The following ZNF385B variants were observed in gnomAD, a reference collection of about 807,000 sequenced individuals.
ZNF385B encodes zinc finger protein 385B.
In ZNF385B, 23 loss-of-function variants were observed where a neutral mutation model predicts 39.2. The observed-to-expected ratio is 0.59, with a 90% CI of 0.42 to 0.83. The LOEUF is 0.83. Ranked by LOEUF, ZNF385B falls within the 40% of genes least tolerant of loss-of-function variation. ZNF385B has a pLI of 0.00. For synonymous variants in ZNF385B, 205 were observed against 222.6 expected, an observed-to-expected ratio of 0.92 and a Z score of 0.70; for missense variants, 552 against 598.9, an observed-to-expected ratio of 0.92 and a Z score of 0.82.
At position 179,767,319 on chromosome 2, in the gene ZNF385B, G is replaced by A. The variant is rs140418617; in HGVS notation, c.298+2184C>T. ...CACCTTGCAGAGGCTGTAAGGTAAG[G>A]TAAACCTCCGCCTTTCTATCCTTCT... On this transcript the variant is annotated intron_variant, in intron 3 of 9. Coordinates refer to ENST00000410066, the MANE Select transcript of ZNF385B (RefSeq NM_152520.6). Among the ~76,000 whole-genome samples the A allele has an allele frequency of 7.4e-3, 1,121 of 152,176 alleles. 6 individuals carry two copies. The highest frequency in any genetic ancestry group is 0.024 in the Middle Eastern group (7 of 294).
At chr2:179,587,298 A>C (rs1245119199) in intron 3 of ZNF385B, among the ~76,000 whole-genome samples, 2 of 152,210 alleles carry the variant, frequency 1.3e-5, no homozygotes, top group African/African-American at 2.4e-5. Flanking sequence ...AAATTGTTTT[A>C]ATTTATTTGG....
At chr2:179,813,345 T>C (rs1255350649) in intron 1 of ZNF385B, among the ~76,000 whole-genome samples, 2 of 152,200 alleles carry the variant, frequency 1.3e-5, no homozygotes, top group African/African-American at 2.4e-5. Context: ...TTTTGGGGCT[T>C]CCAATTTTGT....
At chr2:179,551,322 G>A (rs1440499087) in intron 3 of ZNF385B, among the ~76,000 whole-genome samples, 1 of 152,028 alleles carries the variant, frequency 6.6e-6, no homozygotes, top group Non-Finnish European at 1.5e-5. Flanking sequence ...AGTAATACAA[G>A]GTGGTCACAG....
intron 1 of ZNF385B, among the ~76,000 whole-genome samples, chr2:179,809,941 T>C (rs748823144): frequency 2.6e-5 from 4 of 151,844 alleles, no homozygotes; most frequent in Non-Finnish European, 5.9e-5. Flanking sequence ...AGATACAATG[T>C]AATGAGATAA....
chr2:179,682,087 G>A (rs1350527707), intron 3 of ZNF385B, among the ~76,000 whole-genome samples: 2 of 152,178 alleles, frequency 1.3e-5, no homozygotes, highest in African/African-American at 2.4e-5. Context: ...CCAGGGTCAA[G>A]TAAAGGAATA....
At chr2:179,792,820 G>GAAGGGA (rs375147007) in intron 1 of ZNF385B, among the ~76,000 whole-genome samples, 177 of 152,300 alleles carry the variant, frequency 1.2e-3, no homozygotes, top group African/African-American at 3.2e-3. Context: ...GAAGGGAAGG[G>GAAGGGA]AAGGGAAAGG....
intron 3 of ZNF385B, among the ~76,000 whole-genome samples, chr2:179,698,453 C>T (rs1372339270): frequency 6.6e-6 from 1 of 152,208 alleles, no homozygotes; most frequent in East Asian, 1.9e-4. Context: ...ATTTCAGCAT[C>T]TGAAAGGGCA....
intron 3 of ZNF385B, among the ~76,000 whole-genome samples, chr2:179,745,413 A>G (rs781458921): frequency 6.6e-6 from 1 of 152,202 alleles, no homozygotes; most frequent in East Asian, 1.9e-4. Context: ...AGCAAATTGC[A>G]TAATATCACT....
intron 1 of ZNF385B, among the ~76,000 whole-genome samples, chr2:179,808,248 G>A (rs1177331697): frequency 1.3e-5 from 2 of 152,150 alleles, no homozygotes; most frequent in Admixed American, 6.5e-5. Context: ...TAGCCAGGAT[G>A]GTCTCGATCT....
intron 3 of ZNF385B, among the ~76,000 whole-genome samples, chr2:179,626,340 A>T (rs528452261): frequency 6.6e-6 from 1 of 152,308 alleles, no homozygotes; most frequent in East Asian, 1.9e-4. Context: ...TCTTTTAAAG[A>T]TCAAAGGAGA....
chr2:179,711,216 G>A (rs1699974328), intron 3 of ZNF385B, among the ~76,000 whole-genome samples: 1 of 152,236 alleles, frequency 6.6e-6, no homozygotes, highest in African/African-American at 2.4e-5. Context: ...CCCAAGCCAT[G>A]CAGGCCCTAG....
intron 3 of ZNF385B, among the ~76,000 whole-genome samples, chr2:179,583,044 T>C (rs34313722): frequency 0.081 from 12,287 of 152,196 alleles, 578 homozygotes; most frequent in Middle Eastern, 0.19. Flanking sequence ...AGACGGGGGT[T>C]TCACCATGTT....
intron 1 of ZNF385B, among the ~76,000 whole-genome samples, chr2:179,786,900 A>G (rs1705039783): frequency 6.6e-6 from 1 of 152,038 alleles, no homozygotes; most frequent in South Asian, 2.1e-4. Flanking sequence ...AGTGTATGAG[A>G]GTGTTTATTT....
At chr2:179,847,693 A>G (rs919365144) in intron 1 of ZNF385B, among the ~76,000 whole-genome samples, 1 of 152,144 alleles carries the variant, frequency 6.6e-6, no homozygotes, top group Non-Finnish European at 1.5e-5. Context: ...AGAGGGAGAG[A>G]AGCCATGGGA....
At chr2:179,696,274 A>G (rs1347340924) in intron 3 of ZNF385B, among the ~76,000 whole-genome samples, 1 of 149,900 alleles carries the variant, frequency 6.7e-6, no homozygotes, top group Non-Finnish European at 1.5e-5. Context: ...ATTTCACTAA[A>G]TATGTTTAAA....
intron 3 of ZNF385B, among the ~76,000 whole-genome samples, chr2:179,616,132 C>A (rs1689714600): frequency 6.6e-6 from 1 of 152,056 alleles, no homozygotes; most frequent in Admixed American, 6.6e-5. Flanking sequence ...GTGTAACTTC[C>A]CTTCTAAGAA....
intron 3 of ZNF385B, among the ~76,000 whole-genome samples, chr2:179,743,268 C>T (rs970497123): frequency 1.3e-5 from 2 of 151,518 alleles, no homozygotes; most frequent in African/African-American, 4.8e-5. Flanking sequence ...AAACTGAGTC[C>T]CCCTGACAAT....
intron 3 of ZNF385B, among the ~76,000 whole-genome samples, chr2:179,761,584 ATT>A (rs375660435): frequency 9.6e-5 from 14 of 145,796 alleles, no homozygotes; most frequent in Non-Finnish European, 1.8e-4. Flanking sequence ...TATGCAATTG[ATT>A]TTTTTTTTTT....
chr2:179,539,853 T>TA (rs1319585811), intron 4 of ZNF385B, among the ~76,000 whole-genome samples: 2 of 152,362 alleles, frequency 1.3e-5, no homozygotes, highest in South Asian at 2.1e-4. Context: ...TCTTGGTTTT[T>TA]ATCTTGCTTT....
Sources: allele counts gnomAD v4.1 joint callset (sites outside exome capture counted in the v4.1 genomes callset), GRCh38; gene constraint gnomAD v4.1.1; transcripts MANE v1.5; gene names NCBI Gene and HGNC (gene_info 2026-07-23, HGNC 2026-07-21).